SLC36A4: variants seen among roughly 807,000 people sequenced by gnomAD.
SLC36A4 encodes solute carrier family 36 member 4.
A neutral mutation model predicts 50.5 loss-of-function variants in SLC36A4; 49 were observed. The ratio of observed to expected loss-of-function variants is 0.97; its 90% CI spans 0.77 to 1.23. The LOEUF is 1.23. Ranked by LOEUF, SLC36A4 falls within the 50% of genes most tolerant of loss-of-function variation. The pLI is 0.00. For missense variants in SLC36A4, 611 were observed against 608.4 expected (o/e 1.00, Z -0.05); for synonymous variants, 207 against 206.5 (o/e 1.00, Z -0.02).
intron 10 of SLC36A4, among the ~76,000 whole-genome samples, chr11:93,151,785 T>C (rs1860098265): frequency 6.6e-6 from 1 of 152,026 alleles, no homozygotes; most frequent in Non-Finnish European, 1.5e-5. Flanking sequence ...TAGTACTTAG[T>C]ATATTTTGTT....
chr11:93,171,356 G>A (rs1430510150), intron 6 of SLC36A4: 2 of 151,928 alleles, frequency 1.3e-5, no homozygotes, highest in South Asian at 2.1e-4. Flanking sequence ...TACTCTTTAT[G>A]TCATACAAAC....
intron 6 of SLC36A4, among the ~76,000 whole-genome samples, chr11:93,176,581 T>C (rs373412240): frequency 6.6e-6 from 1 of 152,090 alleles, no homozygotes; most frequent in African/African-American, 2.4e-5. Context: ...TTGCAGCAGC[T>C]GGTACCGGTT....
intron 1 of SLC36A4, among the ~76,000 whole-genome samples, chr11:93,188,169 C>T (rs988913449): frequency 4.6e-5 from 7 of 152,152 alleles, no homozygotes; most frequent in Middle Eastern, 3.2e-3. Context: ...TATCCTTGAT[C>T]TCCTCGCAAT....
rs1039071022 is a variant in SLC36A4, at chr11:93,146,103, T to G, written c.*2434A>C. ...CTGGATGTTGATTCACCATTCTTAT[T>G]GCTAAAGGAAGCCTGATTGATAATA... is the stretch of plus-strand genomic sequence containing the variant. On this transcript the variant is annotated 3_prime_UTR_variant, in exon 11 of 11. Coordinates refer to ENST00000326402, the MANE Select transcript of SLC36A4 (RefSeq NM_152313.4). 6.6e-6 allele frequency: 1 copy of G among 152,064 alleles called. No individual in the cohort carries two copies. Among genetic ancestry groups the G allele is most frequent in the Non-Finnish European group, 1.5e-5 (1 of 67,972 alleles). The allele number at this position is 152,064 out of a possible 1,614,324, so 9.4% of individuals were successfully genotyped here.
At chr11:93,177,509 T>C (rs939814581) in intron 6 of SLC36A4, among the ~76,000 whole-genome samples, 1 of 152,200 alleles carries the variant, frequency 6.6e-6, no homozygotes, top group African/African-American at 2.4e-5. Flanking sequence ...AGGAGCTGCG[T>C]TCCTTTGGCC....
At chr11:93,169,892 T>C (rs997200587) in intron 6 of SLC36A4, among the ~76,000 whole-genome samples, 2 of 152,056 alleles carry the variant, frequency 1.3e-5, no homozygotes, top group Non-Finnish European at 2.9e-5. Flanking sequence ...ATAATTAGAT[T>C]AGATAATGAT....
intron 1 of SLC36A4, among the ~76,000 whole-genome samples, chr11:93,190,001 T>C (rs904847492): frequency 3.9e-5 from 6 of 152,186 alleles, no homozygotes; most frequent in African/African-American, 1.4e-4. Flanking sequence ...AAGTAAAAAT[T>C]AGTTGGGACC....
intron 9 of SLC36A4, chr11:93,159,962 T>C: frequency 1.0e-6 from 1 of 985,450 alleles, no homozygotes; most frequent in Non-Finnish European, 1.2e-6. Flanking sequence ...GTCATTGGCT[T>C]TCATACTCTG....
chr11:93,185,845 A>G (rs1861962064), intron 1 of SLC36A4, 31 bp from the exon 2 acceptor site: 3 of 1,539,124 alleles, frequency 1.9e-6, no homozygotes, highest in Middle Eastern at 1.7e-4. Context: ...GTACTTCACT[A>G]TTGCTTAAAA....
At position 93,180,910 on chromosome 11, in the gene SLC36A4, C is replaced by T. The variant is rs763731164; in HGVS notation, c.456-29G>A. On this transcript the variant is annotated intron_variant, in intron 5 of 10. Coordinates refer to ENST00000326402, the MANE Select transcript of SLC36A4 (RefSeq NM_152313.4). Reference sequence around the variant, plus strand: ...AAAAAAGATATCCACAAATGAGTATCCAGGAGAGCTACTGAAATGTCAATA... The same window carrying T: ...AAAAAAGATATCCACAAATGAGTATTCAGGAGAGCTACTGAAATGTCAATA... The T allele has an allele frequency of 1.4e-5, 19 of 1,385,774 alleles. No homozygotes were observed. The South Asian group carries it at 2.1e-4, about 16-fold the overall frequency. 85.8% of individuals were successfully genotyped at this position (1,385,774 alleles called of 1,614,324 possible).
intron 1 of SLC36A4, among the ~76,000 whole-genome samples, chr11:93,189,931 C>T (rs1020061015): frequency 2.6e-5 from 4 of 151,990 alleles, no homozygotes; most frequent in Admixed American, 6.6e-5. Flanking sequence ...CCTATAAATA[C>T]TAGTTTTGTA....
chr11:93,162,252 G>T (rs1236042631), intron 9 of SLC36A4, among the ~76,000 whole-genome samples: 1 of 151,894 alleles, frequency 6.6e-6, no homozygotes, highest in East Asian at 1.9e-4. Flanking sequence ...GTTCATATTT[G>T]GTCTCCTACG....
Position 93,182,850 on chromosome 11 carries a change from G to GT in SLC36A4, c.314dup (p.His105GlnfsTer18). 6.2e-7 allele frequency: 1 copy of GT among 1,612,940 alleles called. No homozygotes were observed. The highest frequency in any genetic ancestry group is 8.5e-7 in the Non-Finnish European group (1 of 1,179,432). ...TGCAACGTACCAATATGTGCATACA[G>GT]TGAACAGAAATAATTCCTATAAACA... On this transcript the variant is annotated frameshift_variant, in exon 4 of 11. Transcript: ENST00000326402. LOFTEE classifies it high-confidence loss of function.
Position 93,197,698 on chromosome 11 carries a change from T to C in SLC36A4, c.55+80A>G, listed in dbSNP as rs922783749. ...CAACTCAGGCCAAGCGCGGGGCCCC[T>C]GGAGGTGTGGGCGCACCCGACTCCC... On this transcript the variant is annotated intron_variant, in intron 1 of 10. Coordinates refer to ENST00000326402, the MANE Select transcript of SLC36A4 (RefSeq NM_152313.4). The C allele has an allele frequency of 6.8e-6, 10 of 1,461,646 alleles. No individual in the cohort carries two copies. In the Admixed American group the frequency reaches 1.5e-4, roughly 22 times the overall value. The allele number at this position is 1,461,646 out of a possible 1,614,324, so 90.5% of individuals were successfully genotyped here. A position where few individuals can be genotyped will look rare whatever the true frequency, so the allele number is the denominator to read the frequency against.
intron 6 of SLC36A4, among the ~76,000 whole-genome samples, chr11:93,179,508 T>C (rs1419042188): frequency 2.0e-5 from 3 of 152,044 alleles, no homozygotes; most frequent in Non-Finnish European, 2.9e-5. Context: ...TTAAGAAAGG[T>C]TTCACAGAAC....
intron 9 of SLC36A4, among the ~76,000 whole-genome samples, chr11:93,161,769 C>T (rs953089113): frequency 6.6e-6 from 1 of 152,034 alleles, no homozygotes; most frequent in Non-Finnish European, 1.5e-5. Flanking sequence ...TTATTCTTTG[C>T]GTATGTGAAA....
rs759502530 is a variant in SLC36A4, at chr11:93,154,110, G to A, written c.1205C>T (p.Thr402Ile). 3 of 1,444,482 alleles carry A rather than the reference G, an allele frequency of 2.1e-6. No homozygotes were observed. The highest frequency in any genetic ancestry group is 4.7e-5 in the Admixed American group (2 of 42,420). 89.5% of individuals were successfully genotyped at this position (1,444,482 alleles called of 1,614,324 possible). A position where few individuals can be genotyped will look rare whatever the true frequency, so the allele number is the denominator to read the frequency against. ...TATAAATATATAATGATACTTACAA[G>A]TAATACTAACCAAGAAGGATCTTAT... ...FGIRSFLVSI[T>I]CAGAILIPRL... The change falls in exon 10 of 11, where the codon ACT (threonine) becomes ATT (isoleucine). Residue 402 changes from threonine to isoleucine, a missense_variant and splice_region_variant. Transcript: ENST00000326402.
intron 3 of SLC36A4, 71 bp downstream of exon 3, chr11:93,184,359 C>A: frequency 1.1e-6 from 1 of 908,090 alleles, no homozygotes; most frequent in Non-Finnish European, 1.8e-6. Flanking sequence ...TTTGACTAGG[C>A]CAGATATTAG....
At chr11:93,173,998 C>T (rs978301202) in intron 6 of SLC36A4, among the ~76,000 whole-genome samples, 1 of 148,638 alleles carries the variant, frequency 6.7e-6, no homozygotes, top group Non-Finnish European at 1.5e-5. Context: ...TCATTGGTAG[C>T]TTGATGGGGA....
Sources: gnomAD v4.1 joint callset for allele counts (sites outside exome capture counted in the v4.1 genomes callset) on GRCh38, gnomAD v4.1.1 for gene constraint, MANE v1.5 for transcripts, NCBI Gene and HGNC (gene_info 2026-07-23, HGNC 2026-07-21) for gene names.